The following TEX11 variants were observed in gnomAD, a reference collection of about 807,000 sequenced individuals.
The protein encoded by TEX11 is testis expressed 11, also known as testis-expressed protein 11.
In TEX11, 7 loss-of-function variants were observed where a neutral mutation model predicts 84.4. The ratio of observed to expected loss-of-function variants is 0.08; its 90% CI spans 0.05 to 0.16. The LOEUF is 0.16. TEX11 is among the 10% of genes least tolerant of loss of function. The pLI, the probability that TEX11 is intolerant of heterozygous loss-of-function variation, is 1.00. For synonymous variants in TEX11, 264 were observed against 222.8 expected (o/e 1.18, Z -1.64); for missense variants, 551 against 660.5 (o/e 0.83, Z 1.82).
chrX:70,660,773 C>T (rs1347055357), intron 16 of TEX11, among the ~76,000 whole-genome samples: 1 of 112,468 alleles, frequency 8.9e-6, no homozygotes, highest in Non-Finnish European at 1.9e-5. Flanking sequence ...AGGTGGCTCA[C>T]GCCTGTAATC....
chrX:70,816,724 A>AG (rs1270346594), intron 8 of TEX11, among the ~76,000 whole-genome samples: 2 of 110,754 alleles, frequency 1.8e-5, no homozygotes, highest in East Asian at 5.6e-4. Flanking sequence ...TCAAAAAAAA[A>AG]AAAAAAGTAT....
intron 25 of TEX11, among the ~76,000 whole-genome samples, chrX:70,578,256 C>T: frequency 8.9e-6 from 1 of 111,859 alleles, no homozygotes; most frequent in Admixed American, 9.5e-5. Context: ...TGTGTATAGT[C>T]AGTAAGTTAT....
chrX:70,679,437 G>C (rs968255165), intron 14 of TEX11, among the ~76,000 whole-genome samples: 12 of 80,424 alleles, frequency 1.5e-4, no homozygotes, highest in East Asian at 4.6e-4. Context: ...GCCTGGCTGC[G>C]CAGTCTGGAA....
At chrX:70,707,573 C>A (rs1195585853) in intron 13 of TEX11, among the ~76,000 whole-genome samples, 1 of 111,097 alleles carries the variant, frequency 9.0e-6, no homozygotes, top group African/African-American at 3.3e-5. Flanking sequence ...AATTCATATA[C>A]TGTTTTTGCC....
intron 9 of TEX11, among the ~76,000 whole-genome samples, chrX:70,749,992 A>C (rs1381577164): frequency 1.8e-5 from 2 of 110,991 alleles, no homozygotes; most frequent in African/African-American, 6.5e-5. Context: ...GGCAACCTAC[A>C]AAATGGGAGA....
the TEX11 span, among the ~76,000 whole-genome samples, chrX:70,519,181 T>C: frequency 8.9e-6 from 1 of 112,059 alleles, no homozygotes; most frequent in Admixed American, 9.5e-5. Flanking sequence ...ATTTTGCCCA[T>C]TAATTGATGC....
At chrX:70,616,348 G>A (rs2089317476) in intron 20 of TEX11, among the ~76,000 whole-genome samples, 1 of 111,768 alleles carries the variant, frequency 8.9e-6, no homozygotes, top group Non-Finnish European at 1.9e-5. Flanking sequence ...TAGTTAATTT[G>A]TTTATGCAAG....
chrX:70,747,777 T>C (rs1185851710), intron 9 of TEX11, among the ~76,000 whole-genome samples: 4 of 111,426 alleles, frequency 3.6e-5, no homozygotes, highest in Non-Finnish European at 5.7e-5. Context: ...TATTTTTTAT[T>C]ATACTTTAAG....
downstream of TEX11, among the ~76,000 whole-genome samples, chrX:70,527,439 C>A (rs762505459): frequency 8.9e-6 from 1 of 111,746 alleles, no homozygotes; most frequent in South Asian, 3.8e-4. Context: ...TAGGAAACAT[C>A]AGAATCACCT....
intron 16 of TEX11, among the ~76,000 whole-genome samples, chrX:70,667,251 A>G (rs1309153132): frequency 8.9e-6 from 1 of 112,120 alleles, no homozygotes; most frequent in African/African-American, 3.2e-5. Flanking sequence ...TAGTTTCAGC[A>G]CAGACTGTAT....
intron 4 of TEX11, among the ~76,000 whole-genome samples, chrX:70,868,582 GT>G (rs1378672634): frequency 9.0e-6 from 1 of 111,660 alleles, no homozygotes; most frequent in Non-Finnish European, 1.9e-5. Flanking sequence ...GCACACGCAT[GT>G]TTATTGCAGC....
At chrX:70,692,679 G>GTA (rs201316682) in intron 13 of TEX11, among the ~76,000 whole-genome samples, 136 of 106,404 alleles carry the variant, frequency 1.3e-3, no homozygotes, top group East Asian at 0.01. Context: ...ATATATATAT[G>GTA]TATATATATA....
intron 28 of TEX11, among the ~76,000 whole-genome samples, chrX:70,538,777 AT>A (rs2087994941): frequency 9.1e-6 from 1 of 110,188 alleles, no homozygotes; most frequent in East Asian, 2.8e-4. Flanking sequence ...AATTTGCAAA[AT>A]AATGAGCTTA....
intron 25 of TEX11, among the ~76,000 whole-genome samples, chrX:70,576,150 T>C (rs1433834982): frequency 8.9e-6 from 1 of 112,088 alleles, no homozygotes; most frequent in Non-Finnish European, 1.9e-5. Flanking sequence ...AATCCTTTTG[T>C]AAAAGCCAAT....
intron 8 of TEX11, among the ~76,000 whole-genome samples, chrX:70,817,228 CATACACACACACACACATATATAT>C (rs1414519725): frequency 5.9e-5 from 5 of 84,364 alleles, no homozygotes; most frequent in South Asian, 6.1e-4. Flanking sequence ...TACACATACA[CATACACACACACACACATATATAT>C]ATACACACAC....
At chrX:70,719,134 C>T (rs2090533793) in intron 13 of TEX11, among the ~76,000 whole-genome samples, 3 of 111,860 alleles carry the variant, frequency 2.7e-5, no homozygotes, top group African/African-American at 6.5e-5. Context: ...GCAATAATCT[C>T]GGTTGAGGCC....
intron 25 of TEX11, among the ~76,000 whole-genome samples, chrX:70,577,352 G>T (rs182514330): frequency 9.0e-6 from 1 of 111,565 alleles, no homozygotes; most frequent in East Asian, 2.8e-4. Context: ...AAACATATCA[G>T]CATAAATTCA....
chrX:70,717,500 G>A (rs567473126), intron 13 of TEX11, among the ~76,000 whole-genome samples: 1 of 110,994 alleles, frequency 9.0e-6, no homozygotes, highest in South Asian at 3.8e-4. Flanking sequence ...TGTGTTTTCA[G>A]TAGAGACAGG....
At chrX:70,521,569 G>C in the TEX11 span, among the ~76,000 whole-genome samples, 5 of 111,489 alleles carry the variant, frequency 4.5e-5, no homozygotes, top group African/African-American at 1.6e-4. Context: ...GAGCCACCTC[G>C]CCTGGCCTAG....
Sources: allele counts gnomAD v4.1 joint callset (sites outside exome capture counted in the v4.1 genomes callset), GRCh38; gene constraint gnomAD v4.1.1; transcripts MANE v1.5; gene names NCBI Gene and HGNC (gene_info 2026-07-23, HGNC 2026-07-21).